Variants in FCHSD2 observed in about 807,000 individuals in gnomAD.
FCHSD2 encodes the protein FCH and double SH3 domains 2.
Under a neutral mutation model 108.1 loss-of-function variants are expected in FCHSD2, and 38 were observed. The ratio of observed to expected loss-of-function variants is 0.35; its 90% confidence interval spans 0.27 to 0.46. The LOEUF (loss-of-function observed/expected upper bound fraction) is 0.46. FCHSD2 is among the 20% of genes least tolerant of loss of function. FCHSD2 has a pLI of 1.00. For missense variants in FCHSD2, 751 were observed against 897.8 expected, an observed-to-expected ratio of 0.84 and a Z score of 2.09; for synonymous variants, 279 against 314.7, an observed-to-expected ratio of 0.89 and a Z score of 1.20.
At chr11:72,934,196 T>C (rs551462151) in intron 8 of FCHSD2, among the ~76,000 whole-genome samples, 11 of 151,312 alleles carry the variant, frequency 7.3e-5, no homozygotes, top group East Asian at 5.8e-4. Flanking sequence ...AGGGCACGTA[T>C]GATGAAGATG....
rs571608740 is a variant in FCHSD2, at chr11:73,035,181, T to TGTAC, written c.166-19297_166-19296insGTAC. 3.2e-3 allele frequency among the ~76,000 whole-genome samples: 434 copies of TGTAC among 136,652 alleles called. 1 individual carries two copies. Among genetic ancestry groups the TGTAC allele is most frequent in the African/African-American group, 0.011 (416 of 37,032 alleles). The allele number at this position is 136,652 out of a possible 152,430, so 89.6% of individuals were successfully genotyped here. A position where few individuals can be genotyped will look rare whatever the true frequency, so the allele number is the denominator to read the frequency against. On this transcript the variant is annotated intron_variant, in intron 3 of 19. Transcript: ENST00000409418. ...ATGTATGTATGTATGTATGTATGTATGTATGTATGTATGTATGTATGTACG... is the reference window on the plus strand; with the variant it reads ...ATGTATGTATGTATGTATGTATGTATGTACGTATGTATGTATGTATGTATGTACG...
chr11:72,948,780 C>G (rs928764070), intron 8 of FCHSD2, among the ~76,000 whole-genome samples: 4 of 151,956 alleles, frequency 2.6e-5, no homozygotes, highest in Admixed American at 1.3e-4. Context: ...ATTCTCCTGC[C>G]TCAGTCTCCC....
chr11:72,991,424 G>A (rs1038103127), intron 5 of FCHSD2, among the ~76,000 whole-genome samples: 22 of 152,128 alleles, frequency 1.4e-4, no homozygotes, highest in African/African-American at 3.1e-4. Context: ...GAGAATTTTA[G>A]ACCAATATCC....
At chr11:73,094,436 A>T (rs1860029709) in intron 2 of FCHSD2, among the ~76,000 whole-genome samples, 1 of 152,236 alleles carries the variant, frequency 6.6e-6, no homozygotes, top group African/African-American at 2.4e-5. Flanking sequence ...AAAAATGAAA[A>T]CGTGTCCACA....
At chr11:73,113,353 CTTTTTTTTTTTTTTT>C (rs35979371) in intron 2 of FCHSD2, among the ~76,000 whole-genome samples, 8 of 29,916 alleles carry the variant, frequency 2.7e-4, no homozygotes, top group Non-Finnish European at 4.3e-4. Flanking sequence ...CCAAGATGGT[CTTTTTTTTTTTTTTT>C]TTTTTTTTTT....
intron 2 of FCHSD2, among the ~76,000 whole-genome samples, chr11:73,092,587 T>C (rs1859983618): frequency 6.6e-6 from 1 of 152,194 alleles, no homozygotes; most frequent in South Asian, 2.1e-4. Context: ...GTTCAAAAAA[T>C]GTTTGCTGAA....
At chr11:72,900,861 C>T (rs1181899677) in intron 10 of FCHSD2, among the ~76,000 whole-genome samples, 1 of 152,158 alleles carries the variant, frequency 6.6e-6, no homozygotes, top group East Asian at 1.9e-4. Flanking sequence ...ATCATAAACT[C>T]CCTTGGTTCT....
At chr11:73,000,725 C>T (rs1028016478) in intron 5 of FCHSD2, among the ~76,000 whole-genome samples, 2 of 152,130 alleles carry the variant, frequency 1.3e-5, no homozygotes, top group Non-Finnish European at 2.9e-5. Context: ...GATCTATGTA[C>T]TTGAATTATG....
At chr11:72,940,773 A>G (rs886965319) in intron 8 of FCHSD2, 4 of 853,328 alleles carry the variant, frequency 4.7e-6, no homozygotes, top group Admixed American at 1.7e-5. Flanking sequence ...TTAATCAGCT[A>G]AAGTTTGCCT....
At position 73,023,195 on chromosome 11, in the gene FCHSD2, G is replaced by C. The variant is rs549511801; in HGVS notation, c.166-7310C>G. Among the ~76,000 whole-genome samples the C allele has an allele frequency of 2.0e-4, 31 of 152,110 alleles. No individual in the cohort carries two copies. In the Middle Eastern group the frequency reaches 0.01, roughly 50 times the overall value. ...CACATGAAAGAAAAATGATAAATTG[G>C]ACCTTATCAGAATTAAACTCTTTCT... is the stretch of plus-strand genomic sequence containing the variant. On this transcript the variant is annotated intron_variant, in intron 3 of 19. Transcript: ENST00000409418.
intron 3 of FCHSD2, among the ~76,000 whole-genome samples, chr11:73,061,259 G>T (rs1195974942): frequency 6.6e-6 from 1 of 152,236 alleles, no homozygotes; most frequent in African/African-American, 2.4e-5. Flanking sequence ...GACTGAGCCT[G>T]AAGAACTCTG....
intron 3 of FCHSD2, among the ~76,000 whole-genome samples, chr11:73,048,941 T>A (rs567028729): frequency 7.2e-5 from 11 of 152,312 alleles, no homozygotes; most frequent in African/African-American, 2.6e-4. Context: ...TGCTATCAAA[T>A]TCTCACATGA....
At chr11:73,017,708 G>A (rs1408536268) in intron 3 of FCHSD2, among the ~76,000 whole-genome samples, 1 of 152,054 alleles carries the variant, frequency 6.6e-6, no homozygotes, top group Non-Finnish European at 1.5e-5. Context: ...TTTCACCTCT[G>A]CACCTTGTTC....
At chr11:73,092,517 T>C (rs956755051) in intron 2 of FCHSD2, among the ~76,000 whole-genome samples, 1 of 152,220 alleles carries the variant, frequency 6.6e-6, no homozygotes, top group African/African-American at 2.4e-5. Context: ...TGAGAGCATT[T>C]AAGTATACTC....
chr11:72,928,907 G>A (rs1856132702), intron 8 of FCHSD2, among the ~76,000 whole-genome samples: 1 of 147,110 alleles, frequency 6.8e-6, no homozygotes, highest in East Asian at 2.1e-4. Context: ...GATGTGTGAT[G>A]TTCCCCTTCC....
intron 8 of FCHSD2, among the ~76,000 whole-genome samples, chr11:72,947,354 CACA>C (rs1856539910): frequency 6.6e-6 from 1 of 152,168 alleles, no homozygotes; most frequent in Admixed American, 6.5e-5. Context: ...GAGGTTTTCC[CACA>C]ACAATGGTTG....
chr11:73,030,789 T>C (rs1858341608), intron 3 of FCHSD2, among the ~76,000 whole-genome samples: 1 of 152,208 alleles, frequency 6.6e-6, no homozygotes. Context: ...AATATATCCA[T>C]CATTTCACAT....
At position 72,843,319 on chromosome 11, in the gene FCHSD2, T is replaced by G. The variant is rs763139458; in HGVS notation, c.1537A>C (p.Lys513Gln). ...GGCACATAACCCACTTGGCCAACTT[T>G]ATTTCGAGCCTGGGTAAAAGACATG... Reference protein sequence around the residue: ...DMEDWVKARNKVGQVGYVPEK... With the variant: ...DMEDWVKARNQVGQVGYVPEK... Residue 513 changes from lysine to glutamine, a missense_variant, in exon 16 of 20, where the codon AAA becomes CAA. Transcript: ENST00000409418. 6.2e-7 allele frequency: 1 copy of G among 1,613,454 alleles called. No individual in the cohort carries two copies. Among genetic ancestry groups the G allele is most frequent in the Non-Finnish European group, 8.5e-7 (1 of 1,179,476 alleles).
At chr11:72,998,105 G>A (rs1857555181) in intron 5 of FCHSD2, among the ~76,000 whole-genome samples, 1 of 152,120 alleles carries the variant, frequency 6.6e-6, no homozygotes, top group African/African-American at 2.4e-5. Flanking sequence ...ACAAAATGCT[G>A]AAAAAGTAGA....
Sources: gnomAD v4.1 joint callset for allele counts (sites outside exome capture counted in the v4.1 genomes callset) on GRCh38, gnomAD v4.1.1 for gene constraint, MANE v1.5 for transcripts, NCBI Gene and HGNC (gene_info 2026-07-23, HGNC 2026-07-21) for gene names.